Variants in KCTD16 observed in about 807,000 individuals in gnomAD.
The protein encoded by KCTD16 is potassium channel tetramerization domain containing 16, also known as BTB/POZ domain-containing protein KCTD16.
KCTD16 carries 13 observed loss-of-function variants against 33.2 expected under a neutral mutation model. The observed-to-expected ratio is 0.39, with a 90% CI of 0.25 to 0.62. KCTD16 has a LOEUF of 0.62. KCTD16 is among the 20% of genes least tolerant of loss of function. The pLI is 0.50. For synonymous variants in KCTD16, 197 were observed against 195.3 expected, an observed-to-expected ratio of 1.01 and a Z score of -0.07; for missense variants, 441 against 525.1, an observed-to-expected ratio of 0.84 and a Z score of 1.57.
intron 3 of KCTD16, among the ~76,000 whole-genome samples, chr5:144,432,729 G>A (rs1753491763): frequency 6.6e-6 from 1 of 151,942 alleles, no homozygotes; most frequent in African/African-American, 2.4e-5. Flanking sequence ...CTCTGCTAAT[G>A]TAATTTTATT....
chr5:144,370,033 A>C (rs1751929837), intron 3 of KCTD16, among the ~76,000 whole-genome samples: 1 of 152,164 alleles, frequency 6.6e-6, no homozygotes, highest in Non-Finnish European at 1.5e-5. Flanking sequence ...CATAATAGTA[A>C]CATATGGGGG....
chr5:144,345,578 G>T (rs1158690056), intron 3 of KCTD16, among the ~76,000 whole-genome samples: 1 of 151,922 alleles, frequency 6.6e-6, no homozygotes, highest in African/African-American at 2.4e-5. Context: ...GATATTTACC[G>T]AGTACCTATC....
At chr5:144,422,407 C>G (rs1187768725) in intron 3 of KCTD16, among the ~76,000 whole-genome samples, 1 of 152,140 alleles carries the variant, frequency 6.6e-6, no homozygotes, top group Non-Finnish European at 1.5e-5. Context: ...TCAAACGGAT[C>G]CACAAGTAGA....
rs1447489534 is a variant in KCTD16, at chr5:144,476,937, A to G, written c.*2823A>G. ...ACATTGGTTATGACAAGGGCCATAA[A>G]TTGCTAATATAAAGAAGTTAGTAGT... On this transcript the variant is annotated 3_prime_UTR_variant, in exon 4 of 4. Transcript: ENST00000512467. The G allele has an allele frequency of 1.3e-5, 2 of 152,174 alleles. No homozygotes were observed. Among genetic ancestry groups the G allele is most frequent in the African/African-American group, 4.8e-5 (2 of 41,454 alleles). The allele number at this position is 152,174 out of a possible 1,614,324, so 9.4% of individuals were successfully genotyped here. A position where few individuals can be genotyped will look rare whatever the true frequency, so the allele number is the denominator to read the frequency against.
At chr5:144,269,017 T>C (rs1285216040) in intron 3 of KCTD16, among the ~76,000 whole-genome samples, 3 of 152,024 alleles carry the variant, frequency 2.0e-5, no homozygotes, top group South Asian at 2.1e-4. Context: ...ATCTTGAAGA[T>C]AGGACAATGG....
intron 3 of KCTD16, among the ~76,000 whole-genome samples, chr5:144,215,622 G>A (rs965944023): frequency 2.0e-5 from 3 of 152,112 alleles, no homozygotes; most frequent in African/African-American, 7.2e-5. Context: ...AAATGGAAAG[G>A]ATAACAATAG....
chr5:144,219,776 G>C (rs567508593), intron 3 of KCTD16, among the ~76,000 whole-genome samples: 1 of 151,676 alleles, frequency 6.6e-6, no homozygotes, highest in East Asian at 1.9e-4. Flanking sequence ...CACCCGCCTC[G>C]GCCTCCCAAA....
chr5:144,235,547 C>T (rs1270300350), intron 3 of KCTD16, among the ~76,000 whole-genome samples: 7 of 152,058 alleles, frequency 4.6e-5, no homozygotes. Context: ...GAGGATTTGA[C>T]AGCAGCTACC....
At chr5:144,406,262 G>A (rs1023605291) in intron 3 of KCTD16, among the ~76,000 whole-genome samples, 3 of 152,116 alleles carry the variant, frequency 2.0e-5, no homozygotes, top group African/African-American at 2.4e-5. Context: ...GTGGCTGAGC[G>A]GCAATGATTT....
At chr5:144,218,929 T>C (rs1218991664) in intron 3 of KCTD16, among the ~76,000 whole-genome samples, 1 of 152,220 alleles carries the variant, frequency 6.6e-6, no homozygotes, top group East Asian at 1.9e-4. Context: ...CTAATCACTT[T>C]TAATCACGAA....
At chr5:144,396,932 A>AT (rs749770087) in intron 3 of KCTD16, among the ~76,000 whole-genome samples, 1 of 146,808 alleles carries the variant, frequency 6.8e-6, no homozygotes, top group Non-Finnish European at 1.5e-5. Flanking sequence ...ATATATATAT[A>AT]TTTTATTATA....
At chr5:144,423,714 C>A (rs1753260571) in intron 3 of KCTD16, among the ~76,000 whole-genome samples, 1 of 151,998 alleles carries the variant, frequency 6.6e-6, no homozygotes, top group Admixed American at 6.6e-5. Flanking sequence ...GGAGATGAGA[C>A]AAGTAGGTAG....
chr5:144,219,551 C>G (rs1346306547), intron 3 of KCTD16, among the ~76,000 whole-genome samples: 37 of 118,298 alleles, frequency 3.1e-4, no homozygotes, highest in African/African-American at 1.2e-3. Context: ...GACGGAGTCT[C>G]GCTCTGTCTC....
intron 3 of KCTD16, among the ~76,000 whole-genome samples, chr5:144,409,140 A>G (rs1752877480): frequency 1.3e-5 from 2 of 152,198 alleles, no homozygotes; most frequent in South Asian, 4.1e-4. Context: ...AAGTCAAGAG[A>G]TCTATGTTCT....
chr5:144,451,547 T>G (rs1401311696), intron 3 of KCTD16, among the ~76,000 whole-genome samples: 2 of 152,312 alleles, frequency 1.3e-5, no homozygotes, highest in South Asian at 2.1e-4. Context: ...ACTTTTTTTT[T>G]GAAGCTCTAT....
At chr5:144,357,110 GGTTACAACTTCTTATACT>G (rs1751587914) in intron 3 of KCTD16, among the ~76,000 whole-genome samples, 1 of 93,736 alleles carries the variant, frequency 1.1e-5, no homozygotes, top group Non-Finnish European at 2.8e-5. Flanking sequence ...TACTCTTATA[GGTTACAACTTCTTATACT>G]CTTATAGGTT....
chr5:144,443,260 A>G (rs993112593), intron 3 of KCTD16, among the ~76,000 whole-genome samples: 2 of 152,162 alleles, frequency 1.3e-5, no homozygotes, highest in African/African-American at 4.8e-5. Flanking sequence ...ATAATGGAGT[A>G]GGTCATGGCT....
At chr5:144,267,403 T>TG (rs1310544863) in intron 3 of KCTD16, among the ~76,000 whole-genome samples, 1 of 152,174 alleles carries the variant, frequency 6.6e-6, no homozygotes, top group African/African-American at 2.4e-5. Context: ...GACTGGGGCA[T>TG]GGGAAGCACT....
chr5:144,483,154 A>G lies in KCTD16; in HGVS notation c.*9040A>G, dbSNP rs1352397788. On this transcript the variant is annotated 3_prime_UTR_variant, in exon 4 of 4. Transcript: ENST00000512467. The stretch of plus-strand genomic sequence containing the variant: ...TCTTCATTCCAAAAAAAAAAAAAAA[A>G]CCAAACCAGAAAAAACCCAAAACAC... 1 of 150,632 alleles carries G rather than the reference A, an allele frequency of 6.6e-6. No individual in the cohort carries two copies. The highest frequency in any genetic ancestry group is 2.4e-5 in the African/African-American group (1 of 41,170). 9.3% of individuals were successfully genotyped at this position (150,632 alleles called of 1,614,324 possible).
Sources: allele counts gnomAD v4.1 joint callset (sites outside exome capture counted in the v4.1 genomes callset), GRCh38; gene constraint gnomAD v4.1.1; transcripts MANE v1.5; gene names NCBI Gene and HGNC (gene_info 2026-07-23, HGNC 2026-07-21).